The following DMBT1 variants were observed in gnomAD, a reference collection of about 807,000 sequenced individuals.
DMBT1 encodes scavenger receptor cysteine-rich domain-containing protein DMBT1.
A neutral mutation model predicts 252.9 loss-of-function variants in DMBT1; 198 were observed. The ratio of observed to expected loss-of-function variants is 0.78; its 90% CI spans 0.70 to 0.88. DMBT1 has a LOEUF of 0.88. DMBT1 is among the 40% of genes least tolerant of loss of function. DMBT1 has a pLI of 0.00. For missense variants in DMBT1, 2,432 were observed against 2,404.7 expected, an observed-to-expected ratio of 1.01 and a Z score of -0.24; for synonymous variants, 990 against 942.7, an observed-to-expected ratio of 1.05 and a Z score of -0.92.
intron 2 of DMBT1, among the ~76,000 whole-genome samples, chr10:122,568,289 A>T (rs2097620753): frequency 6.6e-6 from 1 of 152,146 alleles, no homozygotes; most frequent in African/African-American, 2.4e-5. Context: ...GATGGCCAGG[A>T]GGCCACTGAA....
At chr10:122,598,351 G>A (rs1014356449) in intron 25 of DMBT1, among the ~76,000 whole-genome samples, 14 of 152,210 alleles carry the variant, frequency 9.2e-5, no homozygotes, top group African/African-American at 2.2e-4. Flanking sequence ...AGAGTCGGTG[G>A]AAGTGACTGT....
In DMBT1 at chr10:122,598,048, C is replaced by G. The variant is rs770472809; in HGVS notation, c.2956+36C>G. ...CTCTCGCCCCTCCCTAGGGCTCACT[C>G]TCTACCTCTGGACAAATGTTTTTTC... is the stretch of plus-strand genomic sequence containing the variant. On this transcript the variant is annotated intron_variant, in intron 25 of 55. Transcript: ENST00000338354. 9.9e-6 allele frequency: 16 copies of G among 1,613,538 alleles called. No homozygotes were observed. The South Asian group carries it at 1.4e-4, about 14-fold the overall frequency.
chr10:122,579,548 T>C, intron 9 of DMBT1, 30 bp from the exon 10 acceptor site: 1 of 1,612,092 alleles, frequency 6.2e-7, no homozygotes, highest in Non-Finnish European at 8.5e-7. Flanking sequence ...ATGATAGGGA[T>C]GGATGAAGGG....
chr10:122,597,875 G>A, intron 24 of DMBT1, 99 bp from the exon 25 acceptor site: 1 of 1,566,186 alleles, frequency 6.4e-7, no homozygotes, highest in Non-Finnish European at 8.8e-7. Flanking sequence ...ACCAGAAGTG[G>A]GGTAGTTTTC....
chr10:122,588,620 T>A (rs1310217965), intron 16 of DMBT1, among the ~76,000 whole-genome samples: 1 of 148,884 alleles, frequency 6.7e-6, no homozygotes, highest in Non-Finnish European at 1.5e-5. Flanking sequence ...CTCTTGAACA[T>A]GGGGACAGCA....
chr10:122,568,305 T>C (rs2097620982), intron 2 of DMBT1, among the ~76,000 whole-genome samples: 1 of 152,148 alleles, frequency 6.6e-6, no homozygotes, highest in Non-Finnish European at 1.5e-5. Flanking sequence ...CTGAAAATGC[T>C]GGTCTAGAGC....
In DMBT1 at chr10:122,620,267, A is replaced by G; in HGVS notation, c.5260A>G (p.Thr1754Ala). 6.2e-7 allele frequency: 1 copy of G among 1,613,932 alleles called. No homozygotes were observed. Among genetic ancestry groups the G allele is most frequent in the Non-Finnish European group, 8.5e-7 (1 of 1,179,878 alleles). ...STPRPDTWLTTNLPALTVGSE... is the reference protein window; with the variant it reads ...STPRPDTWLTANLPALTVGSE... ...GCAATTTACAGATACTTGGCTGACC[A>G]CCAACTTACCGGCATTGACAGTAGG... Residue 1754 changes from threonine (T) to alanine (A), a missense_variant, in exon 43 of 56, where the codon ACC becomes GCC. Thr to Ala is a moderately conservative substitution (Grantham distance 58). Transcript: ENST00000338354.
intron 1 of DMBT1, among the ~76,000 whole-genome samples, chr10:122,562,201 C>T (rs552748028): frequency 4.0e-5 from 6 of 151,886 alleles, no homozygotes; most frequent in Non-Finnish European, 8.8e-5. Flanking sequence ...TTTCCTACTG[C>T]CTTTTTTTTC....
rs551706009 is a variant in DMBT1, at chr10:122,561,666, TTCTC to T, written c.61+845_61+848del. Among the ~76,000 whole-genome samples the T allele has an allele frequency of 6.1e-3, 920 of 149,634 alleles. 7 individuals carry two copies. Among genetic ancestry groups the T allele is most frequent in the Non-Finnish European group, 7.6e-3 (512 of 67,398 alleles). ...TCTGTTTCTGTCTGTCTGTCTGTGT[TTCTC>T]TCTCTCTCTGTATCTTTCTCTTTTT... On this transcript the variant is annotated intron_variant, in intron 1 of 55. Transcript: ENST00000338354.
Position 122,599,037 on chromosome 10 carries a change from C to T in DMBT1, c.3220C>T (p.His1074Tyr). 6.2e-7 allele frequency: 1 copy of T among 1,613,794 alleles called. No individual in the cohort carries two copies. The highest frequency in any genetic ancestry group is 8.5e-7 in the Non-Finnish European group (1 of 1,179,744). ...CGAGTCTTACCTGTGGAGCTGCCCC[C>T]ACAATGGCTGGCTCTCCCACAACTG... ...GHESYLWSCP[H>Y]NGWLSHNCGH... Residue 1074 changes from histidine (H) to tyrosine (Y), a missense_variant, in exon 26 of 56, where the codon CAC (histidine) becomes TAC (tyrosine). Transcript: ENST00000338354.
In DMBT1 at chr10:122,579,726, C is replaced by A; in HGVS notation, c.828C>A (p.Gly276=). ...NDANVVCRQL[G]CGWAMSAPGN... is the part of the protein sequence containing the mutation. ...CCAATGTGGTCTGCAGGCAGCTGGGCTGTGGCTGGGCCATGTCAGCCCCAG... is the reference window on the plus strand; with the variant it reads ...CCAATGTGGTCTGCAGGCAGCTGGGATGTGGCTGGGCCATGTCAGCCCCAG... The change falls in exon 10 of 56, where the codon GGC becomes GGA. Residue 276 remains glycine, a synonymous_variant. Transcript: ENST00000338354. 6.2e-7 allele frequency: 1 copy of A among 1,613,888 alleles called. No individual in the cohort carries two copies. The highest frequency in any genetic ancestry group is 8.5e-7 in the Non-Finnish European group (1 of 1,179,804).
In DMBT1 at chr10:122,631,006, G is replaced by C; in HGVS notation, c.6071G>C (p.Cys2024Ser). Residue 2024 changes from cysteine (C) to serine (S), a missense_variant, in exon 49 of 56, where the codon TGT becomes TCT. Transcript: ENST00000338354. ...LVNLNSSYGL[C>S]AGRVEIYHGG... ...AATTTAAATTCATCCTATGGTCTATGTGCCGGGCGTGTAGAAATTTACCAT... is the reference window on the plus strand; with the variant it reads ...AATTTAAATTCATCCTATGGTCTATCTGCCGGGCGTGTAGAAATTTACCAT... 6.2e-7 allele frequency: 1 copy of C among 1,612,692 alleles called. No homozygotes were observed. The highest frequency in any genetic ancestry group is 8.5e-7 in the Non-Finnish European group (1 of 1,178,806).
chr10:122,599,165 C>CA (rs2097915018), intron 26 of DMBT1, 68 bp downstream of exon 26: 1 of 1,609,460 alleles, frequency 6.2e-7, no homozygotes, highest in Non-Finnish European at 8.5e-7. Flanking sequence ...CTCCTAATTA[C>CA]ATTCTGATCT....
At chr10:122,625,854 A>C (rs886695847) in intron 45 of DMBT1, 79 bp from the exon 46 acceptor site, 80 of 1,202,500 alleles carry the variant, frequency 6.7e-5, no homozygotes, top group Non-Finnish European at 9.7e-5. Flanking sequence ...AAAGGATTTA[A>C]CTTTGTCAGT....
In DMBT1 at chr10:122,579,676, G is replaced by C; in HGVS notation, c.778G>C (p.Asp260His). Residue 260 changes from aspartate to histidine, a missense_variant, in exon 10 of 56, where the codon GAT (aspartate) becomes CAT (histidine). By Grantham distance (81) the Asp-to-His change is moderately conservative. Coordinates refer to ENST00000338354, the MANE Select transcript of DMBT1 (RefSeq NM_001377530.1). ...LYRGSWGTVC[D>H]DYWDTNDANV... is the part of the protein sequence containing the mutation. ...CCGAGGCTCCTGGGGCACCGTGTGT[G>C]ATGACTACTGGGACACCAATGATGC... is the stretch of plus-strand genomic sequence containing the variant. The C allele has an allele frequency of 6.2e-7, 1 of 1,613,870 alleles. No homozygotes were observed.
chr10:122,563,874 A>C lies in DMBT1; in HGVS notation c.62-2093A>C, dbSNP rs1047611358. 1.7e-4 allele frequency among the ~76,000 whole-genome samples: 26 copies of C among 152,298 alleles called. No homozygotes were observed. In the East Asian group the frequency reaches 4.8e-3, roughly 28 times the overall value. Reference sequence around the variant, plus strand: ...TTAGGCAGGATACCTGGGACCTGGCAGTGGGAATTGCATGGTGTCAGGTAG... The same window carrying C: ...TTAGGCAGGATACCTGGGACCTGGCCGTGGGAATTGCATGGTGTCAGGTAG... On this transcript the variant is annotated intron_variant, in intron 1 of 55. Transcript: ENST00000338354.
chr10:122,578,840 G>A (rs375447644), intron 9 of DMBT1, 81 bp downstream of exon 9: 3 of 1,384,732 alleles, frequency 2.2e-6, no homozygotes, highest in Admixed American at 2.0e-5. Flanking sequence ...ACTTATGATT[G>A]CCATAAAGAG....
intron 50 of DMBT1, 71 bp from the exon 51 acceptor site, chr10:122,632,790 G>A: frequency 6.3e-7 from 1 of 1,583,148 alleles, no homozygotes. Context: ...CATCTGCACA[G>A]CTCATGAGCA....
At chr10:122,633,010 A>G in intron 51 of DMBT1, 120 bp downstream of exon 51, 1 of 1,541,512 alleles carries the variant, frequency 6.5e-7, no homozygotes, top group Non-Finnish European at 8.8e-7. Flanking sequence ...TCTCCCTGCA[A>G]GAGTGCCCTG....
Sources: allele counts gnomAD v4.1 joint callset (sites outside exome capture counted in the v4.1 genomes callset), GRCh38; gene constraint gnomAD v4.1.1; transcripts MANE v1.5; gene names NCBI Gene and HGNC (gene_info 2026-07-23, HGNC 2026-07-21).